Variants in SPOPL observed in about 807,000 individuals in gnomAD.
SPOPL encodes the protein speckle-type POZ protein-like.
A neutral mutation model predicts 53.8 loss-of-function variants in SPOPL; 23 were observed. The observed-to-expected ratio is 0.43, with a 90% CI of 0.31 to 0.61. The LOEUF (loss-of-function observed/expected upper bound fraction) is 0.61, where lower values mean the gene tolerates loss of function less well. SPOPL is among the 20% of genes least tolerant of loss of function. The pLI is 0.12. For synonymous variants in SPOPL, 164 were observed against 149.7 expected, an observed-to-expected ratio of 1.10 and a Z score of -0.70; for missense variants, 442 against 466.9, an observed-to-expected ratio of 0.95 and a Z score of 0.49.
intron 1 of SPOPL, among the ~76,000 whole-genome samples, chr2:138,539,402 C>A (rs1312020325): frequency 1.3e-5 from 2 of 151,456 alleles, no homozygotes; most frequent in Admixed American, 1.3e-4. Flanking sequence ...CACATCCTCT[C>A]CAGCACCTGT....
chr2:138,565,773 G>T (rs1685647237), intron 10 of SPOPL, among the ~76,000 whole-genome samples: 1 of 147,960 alleles, frequency 6.8e-6, no homozygotes, highest in African/African-American at 2.5e-5. Context: ...TCACACTGTT[G>T]CCCTGGCTGG....
chr2:138,508,219 A>G (rs948023799), intron 1 of SPOPL, among the ~76,000 whole-genome samples: 32 of 152,230 alleles, frequency 2.1e-4, no homozygotes, highest in African/African-American at 7.2e-4. Context: ...ACATGGATAA[A>G]CTTTTTGAAG....
At chr2:138,542,752 T>G (rs937346851) in intron 1 of SPOPL, among the ~76,000 whole-genome samples, 2 of 152,208 alleles carry the variant, frequency 1.3e-5, no homozygotes, top group Non-Finnish European at 2.9e-5. Context: ...GTTAATGTTG[T>G]TATGTGTGAA....
chr2:138,563,314 CA>C (rs1263616824), intron 8 of SPOPL, among the ~76,000 whole-genome samples: 1 of 151,726 alleles, frequency 6.6e-6, no homozygotes, highest in African/African-American at 2.4e-5. Flanking sequence ...CCCATCTCTA[CA>C]AAAAAAAATT....
chr2:138,554,062 A>G (rs1158874616), intron 5 of SPOPL, among the ~76,000 whole-genome samples: 4 of 121,650 alleles, frequency 3.3e-5, no homozygotes, highest in Non-Finnish European at 4.9e-5. Flanking sequence ...TTTTTAGAAA[A>G]TACCTTTTTT....
At position 138,572,450 on chromosome 2, in the gene SPOPL, G is replaced by T. The variant is rs1476233424; in HGVS notation, c.*3370G>T. The T allele has an allele frequency of 6.6e-6, 1 of 151,738 alleles. No homozygotes were observed. The highest frequency in any genetic ancestry group is 1.5e-5 in the Non-Finnish European group (1 of 67,868). The allele number at this position is 151,738 out of a possible 1,614,324, so 9.4% of individuals were successfully genotyped here. A position where few individuals can be genotyped will look rare whatever the true frequency, so the allele number is the denominator to read the frequency against. ...TAATCAGAATTCTTTATAAAATGTG[G>T]GTCATAGATATGACCCAGTGTTACT... is the stretch of plus-strand genomic sequence containing the variant. On this transcript the variant is annotated 3_prime_UTR_variant, in exon 11 of 11. Transcript: ENST00000280098.
chr2:138,507,646 A>T (rs887855863), intron 1 of SPOPL, among the ~76,000 whole-genome samples: 1 of 152,214 alleles, frequency 6.6e-6, no homozygotes, highest in Non-Finnish European at 1.5e-5. Flanking sequence ...CAAAGGCAGA[A>T]ATTGGGGCTA....
intron 5 of SPOPL, among the ~76,000 whole-genome samples, chr2:138,554,022 G>A (rs1386613582): frequency 4.8e-5 from 7 of 147,110 alleles, no homozygotes; most frequent in Admixed American, 4.8e-4. Context: ...AACAAAAAAT[G>A]ACCAGCTAAA....
rs760828270 is a variant in SPOPL at position 138,550,179 on chromosome 2, G to A, written c.-38G>A. The A allele has an allele frequency of 1.1e-5, 17 of 1,587,598 alleles. No homozygotes were observed. Among genetic ancestry groups the A allele is most frequent in the Non-Finnish European group, 3.5e-6 (4 of 1,157,210 alleles). The stretch of plus-strand genomic sequence containing the variant: ...TAGGTAAGGTACTCAACTGTGTGGG[G>A]TACTACATAAATCCTGAAAGACTAC... On this transcript the variant is annotated 5_prime_UTR_variant, in exon 2 of 11. Transcript: ENST00000280098.
intron 1 of SPOPL, among the ~76,000 whole-genome samples, chr2:138,502,551 C>G (rs1229589931): frequency 6.6e-6 from 1 of 152,216 alleles, no homozygotes; most frequent in Non-Finnish European, 1.5e-5. Context: ...TTCATACCTC[C>G]TCATCCCAAA....
At chr2:138,518,845 G>A (rs1036828016) in intron 1 of SPOPL, among the ~76,000 whole-genome samples, 8 of 152,084 alleles carry the variant, frequency 5.3e-5, no homozygotes, top group African/African-American at 1.9e-4. Flanking sequence ...AACTATATTT[G>A]GACAAATTTA....
chr2:138,517,951 G>A (rs1342360392), intron 1 of SPOPL, among the ~76,000 whole-genome samples: 2 of 151,082 alleles, frequency 1.3e-5, no homozygotes, highest in African/African-American at 2.4e-5. Context: ...GCAGGGCTGA[G>A]GCAGGACAAT....
chr2:138,505,382 G>A (rs902391002), intron 1 of SPOPL, among the ~76,000 whole-genome samples: 1 of 151,964 alleles, frequency 6.6e-6, no homozygotes, highest in East Asian at 1.9e-4. Flanking sequence ...ACCCATCTGT[G>A]CCAGTCTCTG....
chr2:138,550,344 G>A, intron 2 of SPOPL, 50 bp downstream of exon 2: 1 of 1,605,672 alleles, frequency 6.2e-7, no homozygotes, highest in South Asian at 1.1e-5. Context: ...AAATTTTACA[G>A]TATGTTGAGA....
At chr2:138,522,768 C>T (rs1039046997) in intron 1 of SPOPL, among the ~76,000 whole-genome samples, 7 of 152,100 alleles carry the variant, frequency 4.6e-5, no homozygotes, top group African/African-American at 9.7e-5. Flanking sequence ...ATTTCAGAGA[C>T]GAGCCTATCC....
chr2:138,517,397 C>A (rs1684461743), intron 1 of SPOPL, among the ~76,000 whole-genome samples: 1 of 152,096 alleles, frequency 6.6e-6, no homozygotes, highest in African/African-American at 2.4e-5. Flanking sequence ...TGAATCGTAG[C>A]AGATTAATTT....
intron 1 of SPOPL, among the ~76,000 whole-genome samples, chr2:138,506,109 C>T (rs543200982): frequency 5.3e-5 from 8 of 152,162 alleles, no homozygotes; most frequent in Non-Finnish European, 8.8e-5. Flanking sequence ...AATAAGTTAC[C>T]CAAATTTTTG....
chr2:138,547,643 TATTA>T (rs1685225628), intron 1 of SPOPL, among the ~76,000 whole-genome samples: 2 of 152,228 alleles, frequency 1.3e-5, no homozygotes, highest in African/African-American at 2.4e-5. Flanking sequence ...TATATTTCTG[TATTA>T]ATTAAAACAT....
rs112679817 is a variant in SPOPL at position 138,507,320 on chromosome 2, A to G, written c.-61+5201A>G. Among the ~76,000 whole-genome samples the G allele has an allele frequency of 3.6e-3, 545 of 152,298 alleles. 4 individuals are homozygous for G. The highest frequency in any genetic ancestry group is 0.013 in the African/African-American group (525 of 41,554). ...AACTTTTCACAGCTTATTCATTCAT[A>G]GTATGTATTTTTTAAATACTCACTA... is the stretch of plus-strand genomic sequence containing the variant. On this transcript the variant is annotated intron_variant, in intron 1 of 10. Coordinates refer to ENST00000280098, the MANE Select transcript of SPOPL (RefSeq NM_001001664.3).
Sources: gnomAD v4.1 joint callset for allele counts (sites outside exome capture counted in the v4.1 genomes callset) on GRCh38, gnomAD v4.1.1 for gene constraint, MANE v1.5 for transcripts, NCBI Gene and HGNC (gene_info 2026-07-23, HGNC 2026-07-21) for gene names.